Variants in PDE3B observed in about 807,000 individuals in gnomAD.
PDE3B encodes cGMP-inhibited 3',5'-cyclic phosphodiesterase 3B.
A neutral mutation model predicts 116.8 loss-of-function variants in PDE3B; 66 were observed. The ratio of observed to expected loss-of-function variants is 0.56; its 90% CI spans 0.46 to 0.69. The LOEUF (loss-of-function observed/expected upper bound fraction) is 0.69. PDE3B is among the 30% of genes least tolerant of loss of function. The pLI is 0.00. For missense variants in PDE3B, 1,384 were observed against 1,368.1 expected, an observed-to-expected ratio of 1.01 and a Z score of -0.18; for synonymous variants, 595 against 533.6, an observed-to-expected ratio of 1.12 and a Z score of -1.59.
At chr11:14,806,858 C>CAAA (rs953411145) in intron 5 of PDE3B, among the ~76,000 whole-genome samples, 18 of 45,782 alleles carry the variant, frequency 3.9e-4, no homozygotes, top group Middle Eastern at 0.012. Context: ...GACTCCGTCT[C>CAAA]AAAAAAAAAA....
At chr11:14,688,875 C>T (rs61523396) in intron 1 of PDE3B, among the ~76,000 whole-genome samples, 54 of 152,220 alleles carry the variant, frequency 3.5e-4, no homozygotes, top group African/African-American at 1.2e-3. Context: ...TGGGTTCACG[C>T]GATTCTTCTG....
chr11:14,764,587 G>T (rs1857446232), intron 1 of PDE3B, among the ~76,000 whole-genome samples: 1 of 152,050 alleles, frequency 6.6e-6, no homozygotes, highest in Non-Finnish European at 1.5e-5. Context: ...GGTCCTTAAA[G>T]CTTTGGAATT....
intron 4 of PDE3B, among the ~76,000 whole-genome samples, chr11:14,800,165 T>C (rs1350699370): frequency 6.6e-6 from 1 of 152,194 alleles, no homozygotes; most frequent in Non-Finnish European, 1.5e-5. Context: ...CTGTAAAGTA[T>C]TTTATTTCTC....
At chr11:14,790,555 A>G (rs190517071) in intron 4 of PDE3B, among the ~76,000 whole-genome samples, 1 of 152,216 alleles carries the variant, frequency 6.6e-6, no homozygotes, top group East Asian at 1.9e-4. Context: ...GGTCATTTTT[A>G]TCCTGCTGCC....
chr11:14,887,477 G>T, the PDE3B span: 1 of 575,576 alleles, frequency 1.7e-6, no homozygotes, highest in Non-Finnish European at 2.2e-6. Flanking sequence ...GACTCAAATT[G>T]TGAAAACTTA....
At chr11:14,846,445 A>C (rs976804619) in intron 12 of PDE3B, among the ~76,000 whole-genome samples, 6 of 152,320 alleles carry the variant, frequency 3.9e-5, no homozygotes, top group African/African-American at 1.4e-4. Context: ...TGAGCAAAAT[A>C]ACTAGCTAAC....
chr11:14,846,647 C>A (rs888734180), intron 12 of PDE3B, among the ~76,000 whole-genome samples: 1 of 152,052 alleles, frequency 6.6e-6, no homozygotes, highest in Non-Finnish European at 1.5e-5. Context: ...GGAGGAAGAT[C>A]TACCAAGCAA....
intron 10 of PDE3B, among the ~76,000 whole-genome samples, chr11:14,834,308 G>C (rs1225259334): frequency 1.3e-5 from 2 of 152,078 alleles, no homozygotes; most frequent in Non-Finnish European, 2.9e-5. Context: ...TTTTGGCAAA[G>C]TTGTATTATC....
intron 1 of PDE3B, among the ~76,000 whole-genome samples, chr11:14,705,393 A>G (rs1855499521): frequency 6.6e-6 from 1 of 151,818 alleles, no homozygotes; most frequent in South Asian, 2.1e-4. Flanking sequence ...AGCCACATAC[A>G]ATATATTCTG....
chr11:14,679,080 C>T (rs1854618189), intron 1 of PDE3B, among the ~76,000 whole-genome samples: 1 of 152,128 alleles, frequency 6.6e-6, no homozygotes, highest in Non-Finnish European at 1.5e-5. Context: ...AGATTTATTT[C>T]CGGGTTATTG....
At chr11:14,688,534 C>T (rs1854954841) in intron 1 of PDE3B, among the ~76,000 whole-genome samples, 1 of 152,124 alleles carries the variant, frequency 6.6e-6, no homozygotes, top group Non-Finnish European at 1.5e-5. Context: ...TGTCTGAGTA[C>T]ATTCTATGTG....
At chr11:14,896,758 C>T in the PDE3B span, among the ~76,000 whole-genome samples, 1 of 152,116 alleles carries the variant, frequency 6.6e-6, no homozygotes, top group Non-Finnish European at 1.5e-5. Context: ...TAACAAAATC[C>T]TCTATTTAAA....
At chr11:14,714,188 G>A (rs1408440703) in intron 1 of PDE3B, among the ~76,000 whole-genome samples, 1 of 152,032 alleles carries the variant, frequency 6.6e-6, no homozygotes, top group East Asian at 1.9e-4. Context: ...CTCCAGTCCA[G>A]GGGAGGGGAG....
chr11:14,891,503 G>A, the PDE3B span: 9 of 993,234 alleles, frequency 9.1e-6, no homozygotes, highest in Non-Finnish European at 1.1e-5. Context: ...TACACCAGTC[G>A]TTCGTCGACT....
chr11:14,880,723 C>A, the PDE3B span: 1 of 1,602,164 alleles, frequency 6.2e-7, no homozygotes, highest in Non-Finnish European at 8.5e-7. Context: ...TACAGCTAAT[C>A]GTCTGTGATC....
intron 1 of PDE3B, among the ~76,000 whole-genome samples, chr11:14,765,251 A>G (rs368516612): frequency 3.9e-5 from 6 of 152,122 alleles, no homozygotes; most frequent in African/African-American, 1.4e-4. Context: ...TCACATAAAT[A>G]TAACAGTTCT....
Position 14,830,812 on chromosome 11 carries a change from T to A in PDE3B, c.1922T>A (p.Leu641Gln). ...TTATTTCAGGAAGGTGATAAGTGGC[T>A]AACAGAAGAGGCACAGAGTGAACAG... ...RKLFQEGDKWLTEEAQSEQQT... is the reference protein window; with the variant it reads ...RKLFQEGDKWQTEEAQSEQQT... The change falls in exon 8 of 16, where the codon CTA becomes CAA. Residue 641 changes from leucine to glutamine, a missense_variant. Around this residue, in one of 2 missense-constraint regions of PDE3B, gnomAD observed 956 missense variants for 806.8 expected, o/e 1.18. Coordinates refer to ENST00000282096, the MANE Select transcript of PDE3B (RefSeq NM_000922.4). 1.3e-6 allele frequency: 2 copies of A among 1,531,312 alleles called. No individual in the cohort carries two copies. The highest frequency in any genetic ancestry group is 1.7e-6 in the Non-Finnish European group (2 of 1,145,046). 94.9% of individuals were successfully genotyped at this position (1,531,312 alleles called of 1,614,324 possible).
chr11:14,671,165 T>C (rs1854354705), intron 1 of PDE3B, among the ~76,000 whole-genome samples: 1 of 152,112 alleles, frequency 6.6e-6, no homozygotes, highest in Non-Finnish European at 1.5e-5. Context: ...TGAAATAAAT[T>C]TCAGGTAGTT....
chr11:14,867,598 C>G lies in PDE3B; in HGVS notation c.2979C>G (p.Thr993=). 6.2e-7 allele frequency: 1 copy of G among 1,613,964 alleles called. No homozygotes were observed. The highest frequency in any genetic ancestry group is 8.5e-7 in the Non-Finnish European group (1 of 1,179,958). ...QLAKLQESFI[T]HIVGPLCNSY... ...CAAAACTCCAAGAATCTTTTATCACCCACATAGTGGGTCCCCTGTGTAACT... is the reference window on the plus strand; with the variant it reads ...CAAAACTCCAAGAATCTTTTATCACGCACATAGTGGGTCCCCTGTGTAACT... Residue 993 remains threonine (T), a synonymous_variant, in exon 15 of 16, where the codon ACC becomes ACG. Coordinates refer to ENST00000282096, the MANE Select transcript of PDE3B (RefSeq NM_000922.4).
Sources: allele counts gnomAD v4.1 joint callset (sites outside exome capture counted in the v4.1 genomes callset), GRCh38; gene constraint gnomAD v4.1.1; regional missense constraint gnomAD v4.1.1; transcripts MANE v1.5; gene names NCBI Gene and HGNC (gene_info 2026-07-23, HGNC 2026-07-21).